Variants in NEK6 observed in about 807,000 individuals in gnomAD.
NEK6 encodes the protein NIMA related kinase 6.
NEK6 carries 27 observed loss-of-function variants against 43.5 expected under a neutral mutation model. That is an observed-to-expected ratio of 0.62 (90% confidence interval 0.46 to 0.86). NEK6 has a LOEUF of 0.86. Ranked by LOEUF, NEK6 falls within the 40% of genes least tolerant of loss-of-function variation. The pLI is 0.00. For synonymous variants in NEK6, 167 were observed against 164.1 expected, an observed-to-expected ratio of 1.02 and a Z score of -0.14; for missense variants, 318 against 414.4, an observed-to-expected ratio of 0.77 and a Z score of 2.02.
chr9:124,271,202 G>T (rs1831421926), intron 1 of NEK6, among the ~76,000 whole-genome samples: 1 of 152,252 alleles, frequency 6.6e-6, no homozygotes, highest in African/African-American at 2.4e-5. Flanking sequence ...GATTGTTGCA[G>T]TAACAAACCC....
At chr9:124,336,485 G>C (rs1489335064) in intron 7 of NEK6, among the ~76,000 whole-genome samples, 2 of 152,092 alleles carry the variant, frequency 1.3e-5, no homozygotes, top group Non-Finnish European at 2.9e-5. Flanking sequence ...CCTGACCCGT[G>C]AAACCCTGAG....
At chr9:124,305,505 GATTGCACC>G (rs1471491741) in intron 2 of NEK6, among the ~76,000 whole-genome samples, 6 of 146,066 alleles carry the variant, frequency 4.1e-5, no homozygotes, top group Non-Finnish European at 8.9e-5. Context: ...AGTGAGCCGA[GATTGCACC>G]ATTGCACTCC....
intron 7 of NEK6, among the ~76,000 whole-genome samples, chr9:124,333,190 A>G (rs2130995687): frequency 6.6e-6 from 1 of 152,280 alleles, no homozygotes; most frequent in East Asian, 1.9e-4. Flanking sequence ...CTCTTGTTTT[A>G]TCTTCAAAAC....
At position 124,326,205 on chromosome 9, in the gene NEK6, C is replaced by CT; in HGVS notation, c.406-125_406-124insT. 8.1e-6 allele frequency: 1 copy of CT among 122,834 alleles called. No homozygotes were observed. The highest frequency in any genetic ancestry group is 1.7e-4 in the East Asian group (1 of 5,904). 7.6% of individuals were successfully genotyped at this position (122,834 alleles called of 1,614,324 possible). On this transcript the variant is annotated intron_variant, in intron 5 of 9. Transcript: ENST00000320246. The surrounding 1 kb of genome is among the most constrained non-coding windows in gnomAD (Gnocchi z 4.5). ...TATTGTTTGCTCAGTGGCTCAATCC[C>CT]CCCCCCCCGCCCCTGCCAGGCACCA...
intron 8 of NEK6, among the ~76,000 whole-genome samples, chr9:124,341,192 G>A (rs901833377): frequency 1.3e-5 from 2 of 152,144 alleles, no homozygotes; most frequent in Admixed American, 6.5e-5. Context: ...ACAGACGCCC[G>A]CCACCCCACC....
intron 1 of NEK6, among the ~76,000 whole-genome samples, chr9:124,284,752 T>G (rs1324326317): frequency 6.6e-6 from 1 of 152,150 alleles, no homozygotes; most frequent in Non-Finnish European, 1.5e-5. Context: ...TGGTGGAACT[T>G]TCTCTGCTCT....
chr9:124,285,608 G>A (rs1369706961), intron 1 of NEK6, among the ~76,000 whole-genome samples: 2 of 152,296 alleles, frequency 1.3e-5, no homozygotes, highest in Admixed American at 1.3e-4. Flanking sequence ...CAACAGCCGA[G>A]ATTGAGGAGG....
At chr9:124,287,266 AC>A (rs1832207504) in intron 1 of NEK6, among the ~76,000 whole-genome samples, 1 of 152,048 alleles carries the variant, frequency 6.6e-6, no homozygotes, top group African/African-American at 2.4e-5. Context: ...CTTTCAGGTT[AC>A]CCTGGCACCA....
At chr9:124,325,329 C>T (rs993068369) in intron 5 of NEK6, among the ~76,000 whole-genome samples, 1 of 152,244 alleles carries the variant, frequency 6.6e-6, no homozygotes, top group Non-Finnish European at 1.5e-5. Context: ...ATGGTGGCCA[C>T]ACCCTGCAGG....
In NEK6 at chr9:124,312,523, G is replaced by C. The variant is rs116276253; in HGVS notation, c.105G>C (p.Thr35=). ...CCCCGTTCCAGAGGCATCCCAACAC[G>C]CTGTCTTTTCGCTGCTCGCTGGCGG... is the stretch of plus-strand genomic sequence containing the variant. The part of the protein sequence containing the change: ...HPPDPQRHPN[T]LSFRCSLADF... Residue 35 remains threonine, a synonymous_variant, in exon 3 of 10, where the codon ACG becomes ACC. Transcript: ENST00000320246. 3.7e-6 allele frequency: 6 copies of C among 1,613,888 alleles called. No individual in the cohort carries two copies. The South Asian group carries it at 6.6e-5, about 18-fold the overall frequency.
At chr9:124,294,492 A>C (rs1295392699) in intron 1 of NEK6, among the ~76,000 whole-genome samples, 9 of 76,558 alleles carry the variant, frequency 1.2e-4, no homozygotes, top group Middle Eastern at 7.4e-3. Flanking sequence ...ACTCCATCTC[A>C]AAAAAAAAAA....
At chr9:124,288,646 T>C (rs1832263891) in intron 1 of NEK6, among the ~76,000 whole-genome samples, 1 of 152,166 alleles carries the variant, frequency 6.6e-6, no homozygotes, top group Admixed American at 6.5e-5. Flanking sequence ...GGCTGGTATT[T>C]TACCTGCATG....
At chr9:124,286,270 C>A (rs1051901426) in intron 1 of NEK6, among the ~76,000 whole-genome samples, 1 of 152,156 alleles carries the variant, frequency 6.6e-6, no homozygotes, top group Non-Finnish European at 1.5e-5. Flanking sequence ...CTATAGGATC[C>A]TCCTTTCCCT....
chr9:124,301,944 C>G lies in NEK6; in HGVS notation c.-21C>G, dbSNP rs945643665. ...GCTGTTTTCTGTTGCAGTTCGTGCC[C>G]TCGTGAGGCTGGCATGCAGGATGGC... On this transcript the variant is annotated 5_prime_UTR_variant, in exon 2 of 10. Coordinates refer to ENST00000320246, the MANE Select transcript of NEK6 (RefSeq NM_014397.6). 1.5e-5 allele frequency: 24 copies of G among 1,581,640 alleles called. No homozygotes were observed. The highest frequency in any genetic ancestry group is 2.0e-5 in the Non-Finnish European group (23 of 1,163,140).
In NEK6 at chr9:124,324,578, T is replaced by G. The variant is rs542301938; in HGVS notation, c.406-1752T>G. Among the ~76,000 whole-genome samples, 2 of 152,278 alleles carry G rather than the reference T, an allele frequency of 1.3e-5. No homozygotes were observed. Among genetic ancestry groups the G allele is most frequent in the East Asian group, 3.9e-4 (2 of 5,178 alleles). ...GCGCGTCCCTGCTTAAATGCTGTAA[T>G]GAGGATTCACTCACATCACAGCGTG... On this transcript the variant is annotated intron_variant, in intron 5 of 9. Transcript: ENST00000320246. The surrounding 1 kb of genome is among the most constrained non-coding windows in gnomAD (Gnocchi z 5.3).
intron 1 of NEK6, among the ~76,000 whole-genome samples, chr9:124,277,627 C>T (rs190159037): frequency 1.0e-3 from 156 of 152,344 alleles, no homozygotes; most frequent in African/African-American, 3.6e-3. Context: ...AAATCTGTGA[C>T]GCTCCCAGCA....
At chr9:124,303,775 G>A (rs564414242) in intron 2 of NEK6, among the ~76,000 whole-genome samples, 1 of 152,344 alleles carries the variant, frequency 6.6e-6, no homozygotes, top group Admixed American at 6.5e-5. Flanking sequence ...GCTGATGGCT[G>A]GGGGCAGCAG....
intron 1 of NEK6, among the ~76,000 whole-genome samples, chr9:124,295,649 G>A (rs562550774): frequency 4.6e-5 from 7 of 152,330 alleles, no homozygotes; most frequent in African/African-American, 9.6e-5. Context: ...AGCAGGGCCC[G>A]TCTAGGGGTC....
In NEK6 at chr9:124,347,812, A is replaced by C; in HGVS notation, c.821A>C (p.Tyr274Ser). 1.2e-6 allele frequency: 2 copies of C among 1,605,586 alleles called. No homozygotes were observed. Among genetic ancestry groups the C allele is most frequent in the Non-Finnish European group, 1.7e-6 (2 of 1,174,310 alleles). Residue 274 changes from tyrosine (Y) to serine (S), a missense_variant, in exon 9 of 10, where the codon TAC (tyrosine) becomes TCC (serine). Tyr to Ser is a moderately radical substitution (Grantham distance 144). Coordinates refer to ENST00000320246, the MANE Select transcript of NEK6 (RefSeq NM_014397.6). ...TACCCCCCACTCCCCGGGGAGCACT[A>C]CTCCGAGAAGGTGAGTTTGCAGGAG... ...CDYPPLPGEH[Y>S]SEKLRELVSM... is the part of the protein sequence containing the mutation.
Sources: gnomAD v4.1 joint callset for allele counts (sites outside exome capture counted in the v4.1 genomes callset) on GRCh38, gnomAD v4.1.1 for gene constraint, Gnocchi (gnomAD v3.1) non-coding constraint, MANE v1.5 for transcripts, NCBI Gene and HGNC (gene_info 2026-07-23, HGNC 2026-07-21) for gene names.